Variants in ZMAT4 observed in about 807,000 individuals in gnomAD.
ZMAT4 encodes the protein zinc finger matrin-type protein 4.
A neutral mutation model predicts 28.7 loss-of-function variants in ZMAT4; 17 were observed. The observed-to-expected ratio is 0.59, with a 90% CI of 0.41 to 0.89. The LOEUF (loss-of-function observed/expected upper bound fraction) is 0.89, where lower values mean the gene tolerates loss of function less well. ZMAT4 is among the 40% of genes least tolerant of loss of function. ZMAT4 has a pLI of 0.00. For synonymous variants in ZMAT4, 117 were observed against 109.2 expected (o/e 1.07, Z -0.44); for missense variants, 240 against 283.8 (o/e 0.85, Z 1.11).
intron 3 of ZMAT4, among the ~76,000 whole-genome samples, chr8:40,746,358 T>C (rs2150540861): frequency 6.8e-6 from 1 of 146,368 alleles, no homozygotes; most frequent in Middle Eastern, 3.5e-3. Flanking sequence ...TTCCTTCCCT[T>C]TCTTTCCTTT....
intron 1 of ZMAT4, among the ~76,000 whole-genome samples, chr8:40,877,794 A>T (rs1818091195): frequency 6.6e-6 from 1 of 152,106 alleles, no homozygotes. Context: ...CAGAGAAAAA[A>T]ATCAGCATCA....
intron 1 of ZMAT4, among the ~76,000 whole-genome samples, chr8:40,890,490 C>G (rs146421435): frequency 6.6e-6 from 1 of 152,246 alleles, no homozygotes; most frequent in Non-Finnish European, 1.5e-5. Flanking sequence ...TGCCCTCCTC[C>G]CCCTCCCCAT....
At chr8:40,892,807 A>C (rs1009204627) in intron 1 of ZMAT4, among the ~76,000 whole-genome samples, 12 of 152,210 alleles carry the variant, frequency 7.9e-5, no homozygotes, top group Admixed American at 5.2e-4. Context: ...CAGCTGGTGC[A>C]GGGCAGGGGA....
intron 5 of ZMAT4, among the ~76,000 whole-genome samples, chr8:40,641,997 T>C (rs1017354608): frequency 2.6e-5 from 4 of 152,144 alleles, no homozygotes; most frequent in African/African-American, 9.7e-5. Context: ...GGCCTTATAC[T>C]CTTTATTTGA....
chr8:40,599,166 C>T (rs1001269692), intron 5 of ZMAT4, among the ~76,000 whole-genome samples: 1 of 152,144 alleles, frequency 6.6e-6, no homozygotes, highest in African/African-American at 2.4e-5. Context: ...TTCCTCATTA[C>T]ACTTTAGTCA....
intron 4 of ZMAT4, among the ~76,000 whole-genome samples, chr8:40,680,602 C>A (rs528484065): frequency 6.6e-6 from 1 of 151,884 alleles, no homozygotes; most frequent in Non-Finnish European, 1.5e-5. Context: ...GCCTGTCTGC[C>A]TTCTAGGCCC....
intron 1 of ZMAT4, among the ~76,000 whole-genome samples, chr8:40,879,065 C>T (rs1818135251): frequency 6.6e-6 from 1 of 152,190 alleles, no homozygotes; most frequent in African/African-American, 2.4e-5. Context: ...CAAACGAGGA[C>T]AGGCAATGCA....
chr8:40,702,518 A>C (rs1451951680), intron 3 of ZMAT4, among the ~76,000 whole-genome samples: 5 of 152,242 alleles, frequency 3.3e-5, no homozygotes, highest in Non-Finnish European at 5.9e-5. Flanking sequence ...AAAGTTAAAA[A>C]GTTTTCAGAA....
chr8:40,674,039 A>G (rs1307740101), intron 5 of ZMAT4, among the ~76,000 whole-genome samples: 1 of 151,644 alleles, frequency 6.6e-6, no homozygotes, highest in East Asian at 1.9e-4. Flanking sequence ...TAAAAGCACA[A>G]AAGTTTAAGG....
chr8:40,584,724 C>G (rs1334171708), intron 5 of ZMAT4, among the ~76,000 whole-genome samples: 1 of 152,084 alleles, frequency 6.6e-6, no homozygotes, highest in African/African-American at 2.4e-5. Flanking sequence ...ACCTCCGCCT[C>G]CCGAGTTCAA....
intron 3 of ZMAT4, among the ~76,000 whole-genome samples, chr8:40,700,021 G>A (rs958763360): frequency 6.6e-6 from 1 of 152,168 alleles, no homozygotes; most frequent in Non-Finnish European, 1.5e-5. Flanking sequence ...ACAAAGAGTT[G>A]CCCTTAATGA....
At chr8:40,767,234 A>G (rs12675644) in intron 3 of ZMAT4, among the ~76,000 whole-genome samples, 24,158 of 152,158 alleles carry the variant, frequency 0.16, 3,052 homozygotes, top group East Asian at 0.59. Context: ...CAAACAAGAC[A>G]TTCTGTTTTA....
chr8:40,790,774 GACAA>G (rs1041095212), intron 2 of ZMAT4, among the ~76,000 whole-genome samples: 1 of 152,144 alleles, frequency 6.6e-6, no homozygotes, highest in African/African-American at 2.4e-5. Flanking sequence ...TGTAGAATTT[GACAA>G]ACAGATTCTA....
At chr8:40,813,232 A>G (rs1406664965) in intron 2 of ZMAT4, among the ~76,000 whole-genome samples, 1 of 152,206 alleles carries the variant, frequency 6.6e-6, no homozygotes, top group South Asian at 2.1e-4. Flanking sequence ...ACATATATAA[A>G]TAAAAGTCAT....
At chr8:40,755,463 T>A (rs910070800) in intron 3 of ZMAT4, among the ~76,000 whole-genome samples, 1 of 152,008 alleles carries the variant, frequency 6.6e-6, no homozygotes, top group African/African-American at 2.4e-5. Flanking sequence ...TTTCCTGTAA[T>A]TTTTTTTGAG....
intron 3 of ZMAT4, among the ~76,000 whole-genome samples, chr8:40,700,533 C>T (rs906524106): frequency 6.6e-6 from 1 of 150,892 alleles, no homozygotes; most frequent in Non-Finnish European, 1.5e-5. Flanking sequence ...ATCCTTTCAC[C>T]TCAACCTCCA....
At chr8:40,797,421 T>C (rs1378544271) in intron 2 of ZMAT4, among the ~76,000 whole-genome samples, 1 of 152,194 alleles carries the variant, frequency 6.6e-6, no homozygotes, top group Non-Finnish European at 1.5e-5. Flanking sequence ...GCTTGGCACA[T>C]TCTAAGAGCC....
At position 40,601,405 on chromosome 8, in the gene ZMAT4, A is replaced by AAAGG. The variant is rs1165716784; in HGVS notation, c.578-20148_578-20145dup. Reference sequence around the variant, plus strand: ...AGAAGGAAGGAAGGAAGGAGGAAAGAAAGGAAGGAAGGAAGGAAGGAAGGA... The same window carrying AAAGG: ...AGAAGGAAGGAAGGAAGGAGGAAAGAAAGGAAGGAAGGAAGGAAGGAAGGAAGGA... On this transcript the variant is annotated intron_variant, in intron 5 of 6. Coordinates refer to ENST00000297737, the MANE Select transcript of ZMAT4 (RefSeq NM_024645.3). Among the ~76,000 whole-genome samples, 90 of 72,274 alleles carry AAAGG rather than the reference A, an allele frequency of 1.2e-3. 1 individual carries two copies. Among genetic ancestry groups the AAAGG allele is most frequent in the African/African-American group, 5.4e-3 (86 of 15,950 alleles). 47.4% of individuals were successfully genotyped at this position (72,274 alleles called of 152,430 possible).
chr8:40,830,323 C>A (rs1816234567), intron 1 of ZMAT4, among the ~76,000 whole-genome samples: 1 of 152,026 alleles, frequency 6.6e-6, no homozygotes, highest in Non-Finnish European at 1.5e-5. Flanking sequence ...AACCCTCACC[C>A]CCTCTTCCAC....
Sources: gnomAD v4.1 joint callset for allele counts (sites outside exome capture counted in the v4.1 genomes callset) on GRCh38, gnomAD v4.1.1 for gene constraint, MANE v1.5 for transcripts, NCBI Gene and HGNC (gene_info 2026-07-23, HGNC 2026-07-21) for gene names.